CACNA2D1: variants seen among roughly 807,000 people sequenced by gnomAD.
CACNA2D1 encodes the protein calcium voltage-gated channel auxiliary subunit alpha2delta 1, also known as voltage-dependent calcium channel subunit alpha-2/delta-1.
A neutral mutation model predicts 171.5 loss-of-function variants in CACNA2D1; 53 were observed. The observed-to-expected ratio is 0.31, with a 90% CI of 0.25 to 0.39. CACNA2D1 has a LOEUF of 0.39. Ranked by LOEUF, CACNA2D1 falls within the 10% of genes least tolerant of loss-of-function variation. The pLI is 1.00. For missense variants in CACNA2D1, 903 were observed against 1,299.8 expected, an observed-to-expected ratio of 0.69 and a Z score of 4.69; for synonymous variants, 442 against 443.1, an observed-to-expected ratio of 1.00 and a Z score of 0.03.
rs1186635395 is a variant in CACNA2D1, at chr7:82,320,821, T to C, written c.294+14314A>G. On this transcript the variant is annotated intron_variant, in intron 3 of 38. Coordinates refer to ENST00000356860, the MANE Select transcript of CACNA2D1 (RefSeq NM_000722.4). ...AGATGTGCTATAAACAGTATTCATA[T>C]CACCCACATAAAAAATAAACTATCA... 3.4e-5 allele frequency among the ~76,000 whole-genome samples: 5 copies of C among 146,616 alleles called. No individual in the cohort carries two copies. In the East Asian group the frequency reaches 5.9e-4, roughly 17 times the overall value.
chr7:82,047,879 G>C (rs1804732909), intron 10 of CACNA2D1, among the ~76,000 whole-genome samples: 1 of 152,138 alleles, frequency 6.6e-6, no homozygotes, highest in African/African-American at 2.4e-5. Context: ...TCGGAATGCT[G>C]TCTGAGAGAC....
In CACNA2D1 at chr7:82,238,249, T is replaced by C. The variant is rs76231516; in HGVS notation, c.295-67640A>G. ...TCTCATGCTATCACTAGCGAGGGGA[T>C]TTATGCTAACCTTTTGAATGTGTTC... On this transcript the variant is annotated intron_variant, in intron 3 of 38. Coordinates refer to ENST00000356860, the MANE Select transcript of CACNA2D1 (RefSeq NM_000722.4). Among the ~76,000 whole-genome samples, 661 of 152,116 alleles carry C rather than the reference T, an allele frequency of 4.3e-3. 13 individuals carry two copies. In the East Asian group the frequency reaches 0.072, roughly 17 times the overall value.
At chr7:82,236,692 T>C (rs1803627895) in intron 3 of CACNA2D1, among the ~76,000 whole-genome samples, 2 of 152,058 alleles carry the variant, frequency 1.3e-5, no homozygotes, top group Non-Finnish European at 2.9e-5. Flanking sequence ...CCCTTTCTTA[T>C]TAGTAGTGTT....
At chr7:82,092,158 T>C (rs759152316) in intron 6 of CACNA2D1, among the ~76,000 whole-genome samples, 2 of 152,224 alleles carry the variant, frequency 1.3e-5, no homozygotes, top group Non-Finnish European at 2.9e-5. Flanking sequence ...GCAATTAGAA[T>C]GTAAATCTGT....
chr7:82,443,288 G>T, intron 1 of CACNA2D1, 77 bp downstream of exon 1: 4 of 1,375,558 alleles, frequency 2.9e-6, no homozygotes, highest in Non-Finnish European at 2.0e-6. Context: ...AAAGCCCCGC[G>T]ACTCGGGAAC....
chr7:82,039,638 C>T (rs1803709997), intron 10 of CACNA2D1, among the ~76,000 whole-genome samples: 1 of 152,020 alleles, frequency 6.6e-6, no homozygotes, highest in Non-Finnish European at 1.5e-5. Context: ...CTCTAGAAGA[C>T]AATATCAGGA....
intron 1 of CACNA2D1, 60 bp from the exon 2 acceptor site, chr7:82,349,709 T>C: frequency 8.1e-7 from 1 of 1,236,308 alleles, no homozygotes; most frequent in Non-Finnish European, 1.2e-6. Flanking sequence ...AGTCACATGC[T>C]GATATTTTAT....
rs1251510321 is a variant in CACNA2D1 at position 81,946,908 on chromosome 7, T to TA, written c.*3483dup. The TA allele has an allele frequency of 6.6e-6, 1 of 152,096 alleles. No individual in the cohort carries two copies. Among genetic ancestry groups the TA allele is most frequent in the African/African-American group, 2.4e-5 (1 of 41,438 alleles). The allele number at this position is 152,096 out of a possible 1,614,324, so 9.4% of individuals were successfully genotyped here. Reference sequence around the variant, plus strand: ...CAAAACATTATATTGGTTTGCTCTTTACAGAAATGTACTGTGAATATTGAC... The same window carrying TA: ...CAAAACATTATATTGGTTTGCTCTTTAACAGAAATGTACTGTGAATATTGAC... On this transcript the variant is annotated 3_prime_UTR_variant, in exon 39 of 39. Transcript: ENST00000356860.
intron 3 of CACNA2D1, among the ~76,000 whole-genome samples, chr7:82,220,919 T>C (rs1022098457): frequency 2.6e-5 from 4 of 151,882 alleles, no homozygotes; most frequent in Admixed American, 1.3e-4. Context: ...GCTGGGACTA[T>C]AGGCGCGTGC....
rs187855021 is a variant in CACNA2D1 at position 81,983,887 on chromosome 7, T to A, written c.1874-553A>T. On this transcript the variant is annotated intron_variant, in intron 22 of 38. Coordinates refer to ENST00000356860, the MANE Select transcript of CACNA2D1 (RefSeq NM_000722.4). ...AAATATATACGTATATTTTTGGTATTCTTTTGTATTTTACTTCATCCTCAC... is the reference window on the plus strand; with the variant it reads ...AAATATATACGTATATTTTTGGTATACTTTTGTATTTTACTTCATCCTCAC... 2.4e-4 allele frequency among the ~76,000 whole-genome samples: 37 copies of A among 152,320 alleles called. No homozygotes were observed. The East Asian group carries it at 4.8e-3, about 20-fold the overall frequency.
At chr7:82,327,660 C>A (rs1222684082) in intron 3 of CACNA2D1, among the ~76,000 whole-genome samples, 3 of 152,268 alleles carry the variant, frequency 2.0e-5, no homozygotes, top group Admixed American at 6.5e-5. Context: ...AGGTCTATGG[C>A]CACTCTCTGA....
At chr7:82,305,639 G>T (rs1043121254) in intron 3 of CACNA2D1, among the ~76,000 whole-genome samples, 1 of 152,050 alleles carries the variant, frequency 6.6e-6, no homozygotes, top group East Asian at 1.9e-4. Flanking sequence ...AACACAAGAT[G>T]GTATAAAAAC....
intron 9 of CACNA2D1, among the ~76,000 whole-genome samples, chr7:82,063,019 C>A (rs562996672): frequency 6.6e-6 from 1 of 152,070 alleles, no homozygotes; most frequent in Non-Finnish European, 1.5e-5. Flanking sequence ...GTGATGGGAT[C>A]ACAGGTGTGA....
At chr7:82,292,117 C>T (rs1213450525) in intron 3 of CACNA2D1, among the ~76,000 whole-genome samples, 1 of 152,018 alleles carries the variant, frequency 6.6e-6, no homozygotes, top group Non-Finnish European at 1.5e-5. Flanking sequence ...AAATATTACT[C>T]ATAGCTAAGC....
chr7:81,952,827 TCTC>T (rs1220509451), intron 38 of CACNA2D1, among the ~76,000 whole-genome samples: 2 of 152,112 alleles, frequency 1.3e-5, no homozygotes, highest in Non-Finnish European at 2.9e-5. Flanking sequence ...AATCCTGTAT[TCTC>T]CTCTGGTCTG....
intron 3 of CACNA2D1, among the ~76,000 whole-genome samples, chr7:82,315,343 G>T (rs1235461280): frequency 1.3e-5 from 2 of 151,630 alleles, no homozygotes; most frequent in Non-Finnish European, 2.9e-5. Flanking sequence ...AATTCAAAAA[G>T]CACAACTTTC....
chr7:82,010,523 C>T (rs1584394653), intron 15 of CACNA2D1, among the ~76,000 whole-genome samples: 1 of 152,014 alleles, frequency 6.6e-6, no homozygotes, highest in Non-Finnish European at 1.5e-5. Flanking sequence ...AAAGGAAACA[C>T]AACAGGGCAT....
At chr7:82,035,862 A>G (rs1045557000) in intron 11 of CACNA2D1, among the ~76,000 whole-genome samples, 25 of 152,168 alleles carry the variant, frequency 1.6e-4, no homozygotes, top group African/African-American at 5.8e-4. Context: ...TTACAGTACA[A>G]TTTTGTAGTT....
At position 82,106,287 on chromosome 7, in the gene CACNA2D1, T is replaced by TA. The variant is rs1227321751; in HGVS notation, c.526+10756_526+10757insT. ...CCTCATCTCAAATTCCAGACCCCCA[T>TA]TTTTTTTTCCAGTTGTCAATCCCTT... On this transcript the variant is annotated intron_variant, in intron 6 of 38. Coordinates refer to ENST00000356860, the MANE Select transcript of CACNA2D1 (RefSeq NM_000722.4). 4.6e-5 allele frequency among the ~76,000 whole-genome samples: 7 copies of TA among 150,714 alleles called. No individual in the cohort carries two copies. The East Asian group carries it at 1.4e-3, about 29-fold the overall frequency.
Sources: allele counts gnomAD v4.1 joint callset (sites outside exome capture counted in the v4.1 genomes callset), GRCh38; gene constraint gnomAD v4.1.1; transcripts MANE v1.5; gene names NCBI Gene and HGNC (gene_info 2026-07-23, HGNC 2026-07-21).